Variants in PTPRT observed in about 807,000 individuals in gnomAD.
PTPRT encodes the protein protein tyrosine phosphatase receptor type T, also known as receptor-type tyrosine-protein phosphatase T.
A neutral mutation model predicts 176.8 loss-of-function variants in PTPRT; 56 were observed. The ratio of observed to expected loss-of-function variants is 0.32; its 90% CI spans 0.26 to 0.40. The LOEUF (loss-of-function observed/expected upper bound fraction) is 0.40. Among genes scored for constraint, PTPRT ranks in the 10% least tolerant of loss-of-function variants. The pLI, the probability that PTPRT is intolerant of heterozygous loss-of-function variation, is 1.00. For missense variants in PTPRT, 1,540 were observed against 1,908.2 expected (o/e 0.81, Z 3.60); for synonymous variants, 783 against 739.0 (o/e 1.06, Z -0.96).
chr20:42,434,696 T>C (rs2059246551), intron 9 of PTPRT, among the ~76,000 whole-genome samples: 2 of 148,390 alleles, frequency 1.3e-5, no homozygotes, highest in African/African-American at 2.5e-5. Context: ...GCACCGCGGC[T>C]CATGCCTGTA....
chr20:42,405,114 C>T (rs1260892037), intron 9 of PTPRT, among the ~76,000 whole-genome samples: 1 of 150,482 alleles, frequency 6.6e-6, no homozygotes, highest in African/African-American at 2.4e-5. Flanking sequence ...TTTATATATA[C>T]AAATTGTTCA....
At chr20:42,858,062 G>C (rs1316897282) in intron 2 of PTPRT, among the ~76,000 whole-genome samples, 3 of 152,164 alleles carry the variant, frequency 2.0e-5, no homozygotes, top group African/African-American at 7.2e-5. Flanking sequence ...GTACATGTTT[G>C]TTGAATTCAT....
intron 6 of PTPRT, among the ~76,000 whole-genome samples, chr20:42,715,886 A>C (rs2076215585): frequency 6.6e-6 from 1 of 152,234 alleles, no homozygotes; most frequent in Non-Finnish European, 1.5e-5. Context: ...AGTATAAAGA[A>C]CCAAAAATAG....
intron 7 of PTPRT, among the ~76,000 whole-genome samples, chr20:42,609,262 C>T (rs2073934225): frequency 6.6e-6 from 1 of 151,912 alleles, no homozygotes; most frequent in African/African-American, 2.4e-5. Context: ...TTAGAGGAGA[C>T]AGGATTTCAC....
chr20:42,051,620 C>T, the PTPRT span, among the ~76,000 whole-genome samples: 3 of 152,070 alleles, frequency 2.0e-5, no homozygotes, highest in East Asian at 5.8e-4. Context: ...CCCATGGGGA[C>T]CAGTGGTAAA....
intron 7 of PTPRT, among the ~76,000 whole-genome samples, chr20:42,562,922 A>G (rs1309564657): frequency 6.6e-6 from 1 of 152,220 alleles, no homozygotes; most frequent in Non-Finnish European, 1.5e-5. Context: ...TATTCTAGAA[A>G]GATTAAAAAC....
At position 42,121,739 on chromosome 20, in the gene PTPRT, A is replaced by G. The variant is rs1026914436; in HGVS notation, c.2848-1768T>C. 5.5e-4 allele frequency among the ~76,000 whole-genome samples: 81 copies of G among 147,004 alleles called. 2 individuals carry two copies. Among genetic ancestry groups the G allele is most frequent in the Admixed American group, 4.9e-3 (72 of 14,810 alleles). On this transcript the variant is annotated intron_variant, in intron 19 of 30. Transcript: ENST00000373187. Reference sequence around the variant, plus strand: ...TATAGTATTCCATATATATATGGATATATATGAAGAGATATATATATATAG... The same window carrying G: ...TATAGTATTCCATATATATATGGATGTATATGAAGAGATATATATATATAG...
chr20:42,725,650 T>TA (rs1300596348), intron 6 of PTPRT, among the ~76,000 whole-genome samples: 1 of 152,028 alleles, frequency 6.6e-6, no homozygotes, highest in African/African-American at 2.4e-5. Flanking sequence ...CTTGGTGATT[T>TA]AAAAAGTCAA....
At chr20:42,946,352 G>T (rs1186257004) in intron 1 of PTPRT, among the ~76,000 whole-genome samples, 1 of 152,174 alleles carries the variant, frequency 6.6e-6, no homozygotes, top group Non-Finnish European at 1.5e-5. Context: ...GCCAGTCCTG[G>T]GAGGTCCAAT....
intron 15 of PTPRT, among the ~76,000 whole-genome samples, chr20:42,233,954 T>A (rs890207061): frequency 6.6e-6 from 1 of 152,178 alleles, no homozygotes; most frequent in African/African-American, 2.4e-5. Context: ...ACACTGCTTA[T>A]CTTGGATTCC....
At chr20:42,943,862 A>G (rs1322536956) in intron 1 of PTPRT, among the ~76,000 whole-genome samples, 1 of 151,966 alleles carries the variant, frequency 6.6e-6, no homozygotes, top group East Asian at 1.9e-4. Flanking sequence ...AAAAAAACTG[A>G]AAAACAATTA....
chr20:43,031,503 C>T (rs1441231296), intron 1 of PTPRT, among the ~76,000 whole-genome samples: 1 of 152,154 alleles, frequency 6.6e-6, no homozygotes, highest in Non-Finnish European at 1.5e-5. Context: ...TTAAAAATTA[C>T]CCAGTCTAAG....
chr20:42,096,760 T>TAA (rs1985287522), intron 27 of PTPRT, among the ~76,000 whole-genome samples: 1 of 75,776 alleles, frequency 1.3e-5, no homozygotes, highest in African/African-American at 4.6e-5. Flanking sequence ...ATTAAAATTT[T>TAA]TTTTTTTTTT....
intron 1 of PTPRT, among the ~76,000 whole-genome samples, chr20:43,024,409 T>C (rs1985830243): frequency 6.6e-6 from 1 of 151,904 alleles, no homozygotes; most frequent in Non-Finnish European, 1.5e-5. Context: ...GCCAGCATGG[T>C]GAAACCCTGT....
chr20:42,857,298 C>T (rs1414668908), intron 2 of PTPRT, among the ~76,000 whole-genome samples: 1 of 152,152 alleles, frequency 6.6e-6, no homozygotes, highest in Non-Finnish European at 1.5e-5. Context: ...TTCCACTGCC[C>T]ACATCTGTTT....
intron 1 of PTPRT, among the ~76,000 whole-genome samples, chr20:43,123,022 T>C (rs1319964955): frequency 6.6e-6 from 1 of 151,962 alleles, no homozygotes; most frequent in Non-Finnish European, 1.5e-5. Flanking sequence ...ACCTGGCTAA[T>C]TTTGTATTTT....
At chr20:42,785,085 C>T (rs573742173) in intron 3 of PTPRT, among the ~76,000 whole-genome samples, 2 of 152,240 alleles carry the variant, frequency 1.3e-5, no homozygotes, top group South Asian at 4.1e-4. Flanking sequence ...CTTTCTATAA[C>T]ACATGCATAG....
chr20:42,701,403 G>A (rs993650688), intron 6 of PTPRT, among the ~76,000 whole-genome samples: 1 of 152,184 alleles, frequency 6.6e-6, no homozygotes, highest in African/African-American at 2.4e-5. Context: ...CTTAAATGAT[G>A]TTACTGAGAA....
At chr20:43,033,110 G>C (rs1986215826) in intron 1 of PTPRT, among the ~76,000 whole-genome samples, 1 of 152,106 alleles carries the variant, frequency 6.6e-6, no homozygotes, top group Non-Finnish European at 1.5e-5. Flanking sequence ...GACTTTTTTG[G>C]ATACATCTTT....
Sources: allele counts gnomAD v4.1 joint callset (sites outside exome capture counted in the v4.1 genomes callset), GRCh38; gene constraint gnomAD v4.1.1; transcripts MANE v1.5; gene names NCBI Gene and HGNC (gene_info 2026-07-23, HGNC 2026-07-21).